Variants in LRRC4C observed in about 807,000 individuals in gnomAD.
The protein encoded by LRRC4C is leucine-rich repeat-containing protein 4C.
LRRC4C carries 5 observed loss-of-function variants against 33.6 expected under a neutral mutation model. The observed-to-expected ratio is 0.15, with a 90% CI of 0.08 to 0.31. The LOEUF is 0.31. Among genes scored for constraint, LRRC4C ranks in the 10% least tolerant of loss-of-function variants. The pLI, the probability that LRRC4C is intolerant of heterozygous loss-of-function variation, is 1.00. For synonymous variants in LRRC4C, 329 were observed against 302.0 expected, an observed-to-expected ratio of 1.09 and a Z score of -0.93; for missense variants, 560 against 796.7, an observed-to-expected ratio of 0.70 and a Z score of 3.58.
intron 3 of LRRC4C, among the ~76,000 whole-genome samples, chr11:40,396,629 A>G (rs1949552403): frequency 1.1e-4 from 16 of 152,138 alleles, no homozygotes; most frequent in Admixed American, 1.0e-3. Flanking sequence ...CTATTAGTAA[A>G]ATCGGACATC....
chr11:40,996,931 A>G (rs969785586), intron 1 of LRRC4C, among the ~76,000 whole-genome samples: 2 of 152,262 alleles, frequency 1.3e-5, no homozygotes, highest in Admixed American at 6.5e-5. Flanking sequence ...CCCACCTCCA[A>G]CACTGGAGAT....
intron 3 of LRRC4C, among the ~76,000 whole-genome samples, chr11:40,381,719 G>T (rs991656227): frequency 3.3e-5 from 5 of 151,268 alleles, no homozygotes; most frequent in African/African-American, 1.2e-4. Flanking sequence ...GCTCTCTCTT[G>T]GTGCTACCAC....
intron 1 of LRRC4C, among the ~76,000 whole-genome samples, chr11:41,104,726 G>A (rs1010638265): frequency 1.3e-5 from 2 of 151,860 alleles, no homozygotes; most frequent in African/African-American, 4.8e-5. Flanking sequence ...TAGATAAACT[G>A]TTGAACATAT....
At chr11:40,422,679 T>TA (rs1950562047) in intron 3 of LRRC4C, among the ~76,000 whole-genome samples, 1 of 144,206 alleles carries the variant, frequency 6.9e-6, no homozygotes, top group Non-Finnish European at 1.5e-5. Context: ...TTAAGCCCGT[T>TA]ATACTCATTT....
At chr11:40,826,232 A>G (rs572639409) in intron 2 of LRRC4C, among the ~76,000 whole-genome samples, 21 of 152,082 alleles carry the variant, frequency 1.4e-4, no homozygotes, top group Admixed American at 5.3e-4. Context: ...TTTTCTTTGC[A>G]GTCAATATGT....
At chr11:41,049,321 A>G (rs79311500) in intron 1 of LRRC4C, among the ~76,000 whole-genome samples, 4,707 of 152,240 alleles carry the variant, frequency 0.031, 131 homozygotes, top group Admixed American at 0.075. Flanking sequence ...GTCTTCTGCC[A>G]TGATTGTGAG....
At chr11:40,180,979 G>A (rs1345436712) in intron 5 of LRRC4C, among the ~76,000 whole-genome samples, 1 of 152,118 alleles carries the variant, frequency 6.6e-6, no homozygotes, top group African/African-American at 2.4e-5. Context: ...GTCCAGTGAT[G>A]GCATCTAATA....
Position 40,129,402 on chromosome 11 carries a change from C to G in LRRC4C, c.-43+11399G>C, listed in dbSNP as rs376687162. The stretch of plus-strand genomic sequence containing the variant: ...AGGTGATAAAGTCGGGGAGATTTCC[C>G]TATTTCTTTTTCTCTGTCTATTATT... On this transcript the variant is annotated intron_variant, in intron 6 of 6. Coordinates refer to ENST00000528697, the MANE Select transcript of LRRC4C (RefSeq NM_001258419.2). Among the ~76,000 whole-genome samples, 6 of 152,208 alleles carry G rather than the reference C, an allele frequency of 3.9e-5. No homozygotes were observed. The East Asian group carries it at 7.7e-4, about 20-fold the overall frequency.
intron 1 of LRRC4C, among the ~76,000 whole-genome samples, chr11:41,092,769 A>G (rs1940519569): frequency 6.6e-6 from 1 of 152,240 alleles, no homozygotes; most frequent in Non-Finnish European, 1.5e-5. Flanking sequence ...AAAGAGACTG[A>G]GCATCCAGAC....
At chr11:41,288,179 T>C (rs530527255) in intron 1 of LRRC4C, among the ~76,000 whole-genome samples, 1 of 152,320 alleles carries the variant, frequency 6.6e-6, no homozygotes, top group Non-Finnish European at 1.5e-5. Context: ...CTACAACTTA[T>C]CATAGTTCTC....
chr11:40,974,045 A>G (rs914627892), intron 1 of LRRC4C, among the ~76,000 whole-genome samples: 2 of 152,194 alleles, frequency 1.3e-5, no homozygotes, highest in African/African-American at 4.8e-5. Flanking sequence ...GCTTTATTAT[A>G]CAACTGAGCT....
At chr11:40,278,680 T>C (rs1943276794) in intron 4 of LRRC4C, among the ~76,000 whole-genome samples, 1 of 152,206 alleles carries the variant, frequency 6.6e-6, no homozygotes, top group Non-Finnish European at 1.5e-5. Flanking sequence ...AATACCTATA[T>C]ACAATGTAGC....
chr11:41,354,317 G>A (rs894577682), intron 1 of LRRC4C, among the ~76,000 whole-genome samples: 3 of 151,996 alleles, frequency 2.0e-5, no homozygotes, highest in Non-Finnish European at 4.4e-5. Flanking sequence ...AGGTAACTAG[G>A]GAAGTGAAAT....
chr11:40,459,468 A>G (rs976788350), intron 3 of LRRC4C, among the ~76,000 whole-genome samples: 11 of 152,202 alleles, frequency 7.2e-5, no homozygotes, highest in Admixed American at 6.6e-5. Flanking sequence ...ATTAAATGAT[A>G]TTACAGACAC....
intron 3 of LRRC4C, among the ~76,000 whole-genome samples, chr11:40,468,935 T>C (rs564997284): frequency 2.6e-5 from 4 of 152,212 alleles, no homozygotes; most frequent in Non-Finnish European, 5.9e-5. Flanking sequence ...GTGTGTTCTG[T>C]CACACATTAT....
At chr11:41,078,790 C>T (rs1160643838) in intron 1 of LRRC4C, among the ~76,000 whole-genome samples, 1 of 151,980 alleles carries the variant, frequency 6.6e-6, no homozygotes, top group African/African-American at 2.4e-5. Context: ...GCTTTTTTTC[C>T]CCTTCATGTG....
intron 1 of LRRC4C, among the ~76,000 whole-genome samples, chr11:41,411,907 G>T (rs1392799495): frequency 6.6e-6 from 1 of 152,180 alleles, no homozygotes; most frequent in African/African-American, 2.4e-5. Flanking sequence ...TACCAGCCTT[G>T]TGTTGTGAAC....
At chr11:40,169,508 A>G (rs1441702024) in intron 5 of LRRC4C, among the ~76,000 whole-genome samples, 4 of 152,190 alleles carry the variant, frequency 2.6e-5, no homozygotes, top group Non-Finnish European at 4.4e-5. Flanking sequence ...AGTTTTCACC[A>G]TAACACATTT....
At chr11:40,737,581 A>G (rs1947943725) in intron 2 of LRRC4C, among the ~76,000 whole-genome samples, 1 of 151,872 alleles carries the variant, frequency 6.6e-6, no homozygotes, top group Non-Finnish European at 1.5e-5. Context: ...AATAATAAAA[A>G]AAAACAGAGA....
Sources: gnomAD v4.1 joint callset for allele counts (sites outside exome capture counted in the v4.1 genomes callset) on GRCh38, gnomAD v4.1.1 for gene constraint, MANE v1.5 for transcripts, NCBI Gene and HGNC (gene_info 2026-07-23, HGNC 2026-07-21) for gene names.